ASTN2: variants seen among roughly 807,000 people sequenced by gnomAD.
ASTN2 encodes astrotactin 2.
In ASTN2, 54 loss-of-function variants were observed where a neutral mutation model predicts 139.8. The ratio of observed to expected loss-of-function variants is 0.39; its 90% CI spans 0.31 to 0.48. ASTN2 has a LOEUF of 0.48. Among genes scored for constraint, ASTN2 ranks in the 20% least tolerant of loss-of-function variants. The pLI is 0.95. For synonymous variants in ASTN2, 756 were observed against 719.5 expected, an observed-to-expected ratio of 1.05 and a Z score of -0.81; for missense variants, 1,565 against 1,725.1, an observed-to-expected ratio of 0.91 and a Z score of 1.64.
At chr9:117,003,573 T>G (rs68101236) in intron 7 of ASTN2, among the ~76,000 whole-genome samples, 1 of 101,640 alleles carries the variant, frequency 9.8e-6, no homozygotes, top group South Asian at 3.1e-4. Context: ...CTAGAGGCTA[T>G]TGGTGGAAGA....
chr9:117,272,935 C>A (rs1363041919), intron 2 of ASTN2, among the ~76,000 whole-genome samples: 1 of 152,334 alleles, frequency 6.6e-6, no homozygotes, highest in South Asian at 2.1e-4. Context: ...CTGCCTGTTA[C>A]CCAGTTCCAA....
chr9:116,892,155 T>C (rs766403599), intron 10 of ASTN2, among the ~76,000 whole-genome samples: 78 of 152,192 alleles, frequency 5.1e-4, no homozygotes, highest in Admixed American at 1.6e-3. Flanking sequence ...GTGATATCTA[T>C]ATAATATTTA....
At position 116,949,477 on chromosome 9, in the gene ASTN2, G is replaced by A. The variant is rs76497034; in HGVS notation, c.1889+25731C>T. Among the ~76,000 whole-genome samples the A allele has an allele frequency of 0.016, 2,398 of 152,210 alleles. 143 individuals carry two copies. The East Asian group carries it at 0.21, about 13-fold the overall frequency. ...ATGAAATCTCCTTCTCTTCTGGGGCGGAAGTAAAGAGGATGGGCTGAGACT... is the reference window on the plus strand; with the variant it reads ...ATGAAATCTCCTTCTCTTCTGGGGCAGAAGTAAAGAGGATGGGCTGAGACT... On this transcript the variant is annotated intron_variant, in intron 10 of 22. Transcript: ENST00000313400.
intron 7 of ASTN2, among the ~76,000 whole-genome samples, chr9:116,999,916 A>G (rs978926068): frequency 1.3e-5 from 2 of 152,170 alleles, no homozygotes; most frequent in African/African-American, 4.8e-5. Context: ...ATAAAAGTTC[A>G]GCAGATAGAA....
chr9:116,954,845 A>G (rs144725186), intron 10 of ASTN2, among the ~76,000 whole-genome samples: 66 of 152,328 alleles, frequency 4.3e-4, no homozygotes, highest in African/African-American at 1.6e-3. Flanking sequence ...AGCATCCCTT[A>G]GGAACTTGTT....
chr9:116,442,429 G>T, intron 21 of ASTN2, 24 bp downstream of exon 21: 3 of 1,586,386 alleles, frequency 1.9e-6, no homozygotes, highest in Non-Finnish European at 2.6e-6. Context: ...AGTTACTTTG[G>T]AGTTGAAAAA....
chr9:116,852,956 G>GA (rs751197415), intron 11 of ASTN2, among the ~76,000 whole-genome samples: 12 of 146,126 alleles, frequency 8.2e-5, no homozygotes, highest in Non-Finnish European at 1.5e-4. Flanking sequence ...GTCCTAAAAA[G>GA]AAAAAAAAAT....
At chr9:116,438,413 CCTT>C (rs1847725088) in intron 22 of ASTN2, among the ~76,000 whole-genome samples, 1 of 152,170 alleles carries the variant, frequency 6.6e-6, no homozygotes, top group Non-Finnish European at 1.5e-5. Flanking sequence ...CTGACCTCCC[CCTT>C]CTTATCTCTT....
At chr9:117,178,811 C>G (rs1004570152) in intron 3 of ASTN2, among the ~76,000 whole-genome samples, 4 of 152,272 alleles carry the variant, frequency 2.6e-5, no homozygotes, top group African/African-American at 9.6e-5. Context: ...CTGCATAGAG[C>G]GGCACCAGCC....
intron 17 of ASTN2, among the ~76,000 whole-genome samples, chr9:116,650,584 A>G (rs939150717): frequency 4.5e-4 from 69 of 152,218 alleles, no homozygotes; most frequent in African/African-American, 1.6e-3. Context: ...AATCGAACCA[A>G]TATATGTAAG....
At chr9:116,720,562 C>T (rs1056423856) in intron 16 of ASTN2, among the ~76,000 whole-genome samples, 4 of 146,356 alleles carry the variant, frequency 2.7e-5, no homozygotes, top group Admixed American at 6.8e-5. Context: ...CCCCTCTTTT[C>T]TCTCTCTCTC....
chr9:116,481,503 A>G (rs1300971793), intron 20 of ASTN2, among the ~76,000 whole-genome samples: 3 of 152,252 alleles, frequency 2.0e-5, no homozygotes, highest in African/African-American at 7.2e-5. Flanking sequence ...AATTATGTGC[A>G]TGTGCTAGTA....
chr9:116,952,656 T>C (rs11792037), intron 10 of ASTN2, among the ~76,000 whole-genome samples: 3,856 of 152,264 alleles, frequency 0.025, 67 homozygotes, highest in Non-Finnish European at 0.03. Flanking sequence ...TTGTGGTCAG[T>C]GATGAAATGA....
chr9:117,252,747 G>C (rs754098106), intron 2 of ASTN2, among the ~76,000 whole-genome samples: 28 of 152,292 alleles, frequency 1.8e-4, no homozygotes, highest in Non-Finnish European at 2.9e-4. Flanking sequence ...GAATGATGCA[G>C]CCTGAGATGT....
chr9:116,967,543 C>T (rs1162973429), intron 10 of ASTN2, among the ~76,000 whole-genome samples: 1 of 152,194 alleles, frequency 6.6e-6, no homozygotes, highest in Non-Finnish European at 1.5e-5. Context: ...AACATCCCTA[C>T]TGAAAAGGAA....
chr9:116,534,545 A>T (rs1353435841), intron 19 of ASTN2, among the ~76,000 whole-genome samples: 6 of 152,142 alleles, frequency 3.9e-5, no homozygotes, highest in Non-Finnish European at 8.8e-5. Context: ...TGTCCCAGAG[A>T]TTCTTGTATG....
intron 13 of ASTN2, among the ~76,000 whole-genome samples, chr9:116,788,196 T>A (rs922102080): frequency 1.3e-5 from 2 of 151,950 alleles, no homozygotes; most frequent in Non-Finnish European, 2.9e-5. Context: ...AGATGAAGAA[T>A]AGGGAGAGAT....
intron 2 of ASTN2, among the ~76,000 whole-genome samples, chr9:117,283,625 C>G (rs1834378951): frequency 6.6e-6 from 1 of 152,180 alleles, no homozygotes; most frequent in Non-Finnish European, 1.5e-5. Flanking sequence ...ACAGCAGAGA[C>G]ACATAACTAT....
At chr9:116,455,915 C>T (rs1176443740) in intron 20 of ASTN2, among the ~76,000 whole-genome samples, 1 of 151,418 alleles carries the variant, frequency 6.6e-6, no homozygotes, top group East Asian at 1.9e-4. Context: ...AGTATTATAC[C>T]AAATGGGGAA....
Sources: allele counts gnomAD v4.1 joint callset (sites outside exome capture counted in the v4.1 genomes callset), GRCh38; gene constraint gnomAD v4.1.1; transcripts MANE v1.5; gene names NCBI Gene and HGNC (gene_info 2026-07-23, HGNC 2026-07-21).